The following FOXN3 variants were observed in gnomAD, a reference collection of about 807,000 sequenced individuals.
FOXN3 encodes forkhead box N3.
In FOXN3, 7 loss-of-function variants were observed where a neutral mutation model predicts 38.4. That is an observed-to-expected ratio of 0.18 (90% CI 0.10 to 0.34). The LOEUF (loss-of-function observed/expected upper bound fraction) is 0.34, where lower values mean the gene tolerates loss of function less well. Ranked by LOEUF, FOXN3 falls within the 10% of genes least tolerant of loss-of-function variation. FOXN3 has a pLI of 1.00. For synonymous variants in FOXN3, 230 were observed against 242.2 expected, an observed-to-expected ratio of 0.95 and a Z score of 0.47; for missense variants, 456 against 613.4, an observed-to-expected ratio of 0.74 and a Z score of 2.71.
intron 1 of FOXN3, among the ~76,000 whole-genome samples, chr14:89,468,383 G>A (rs1484784204): frequency 6.6e-6 from 1 of 152,100 alleles, no homozygotes; most frequent in East Asian, 1.9e-4. Context: ...GAACCAGGGA[G>A]GTGGAGGCTG....
At chr14:89,254,188 GA>G (rs1173866396) in intron 4 of FOXN3, among the ~76,000 whole-genome samples, 1 of 152,194 alleles carries the variant, frequency 6.6e-6, no homozygotes, top group Admixed American at 6.5e-5. Context: ...TCTGTAGGAT[GA>G]ATGAGTTAAA....
Position 89,160,224 on chromosome 14 carries a change from G to A in FOXN3, c.*2190C>T, listed in dbSNP as rs978669275. The A allele has an allele frequency of 8.9e-5, 9 of 101,412 alleles. No individual in the cohort carries two copies. Among genetic ancestry groups the A allele is most frequent in the Non-Finnish European group, 1.5e-4 (8 of 53,374 alleles). 6.3% of individuals were successfully genotyped at this position (101,412 alleles called of 1,614,324 possible). ...ATTTCTCTTTGTACCCCCGCCCCCC[G>A]CCCCCGCCATTAAAGAAAATTTCTT... On this transcript the variant is annotated 3_prime_UTR_variant, in exon 6 of 6. Transcript: ENST00000557258.
intron 3 of FOXN3, among the ~76,000 whole-genome samples, chr14:89,302,761 C>T (rs1403112084): frequency 3.3e-5 from 5 of 152,182 alleles, no homozygotes; most frequent in Admixed American, 6.5e-5. Context: ...AGAAGGTATG[C>T]TACTTCTCTC....
chr14:89,254,472 G>T (rs981101976), intron 4 of FOXN3, among the ~76,000 whole-genome samples: 1 of 152,152 alleles, frequency 6.6e-6, no homozygotes, highest in African/African-American at 2.4e-5. Context: ...CAGACAGCTC[G>T]GAGTGTGGCT....
At chr14:89,214,720 T>C (rs1261293469) in intron 4 of FOXN3, among the ~76,000 whole-genome samples, 1 of 152,258 alleles carries the variant, frequency 6.6e-6, no homozygotes, top group East Asian at 1.9e-4. Flanking sequence ...GAGCTAACCA[T>C]ATTTTCTGCA....
intron 1 of FOXN3, among the ~76,000 whole-genome samples, chr14:89,570,295 A>G (rs28556570): frequency 0.066 from 9,999 of 151,992 alleles, 776 homozygotes; most frequent in African/African-American, 0.17. Flanking sequence ...CACCGCATCC[A>G]GCCGGTACAC....
chr14:89,454,499 A>G (rs983136014), intron 1 of FOXN3, among the ~76,000 whole-genome samples: 1 of 152,266 alleles, frequency 6.6e-6, no homozygotes, highest in African/African-American at 2.4e-5. Context: ...GACATATGCA[A>G]TTGTGTAAAA....
At chr14:89,335,077 T>TCACACACACACACACA (rs72014136) in intron 3 of FOXN3, among the ~76,000 whole-genome samples, 2 of 139,344 alleles carry the variant, frequency 1.4e-5, no homozygotes, top group African/African-American at 2.6e-5. Flanking sequence ...TATTTTCATA[T>TCACACACACACACACA]CACACACACA....
rs1886980852 is a variant in FOXN3 at position 89,156,409 on chromosome 14, T to C, written c.*6005A>G. On this transcript the variant is annotated 3_prime_UTR_variant, in exon 6 of 6. Coordinates refer to ENST00000557258, the MANE Select transcript of FOXN3 (RefSeq NM_005197.4). ...CGCGCCTGCCTCCACACTGTTTCTT[T>C]AGGTTTACATGAACATAACAGAACA... 1 of 152,664 alleles carries C rather than the reference T, an allele frequency of 6.6e-6. No homozygotes were observed. The highest frequency in any genetic ancestry group is 1.5e-5 in the Non-Finnish European group (1 of 68,042). 9.5% of individuals were successfully genotyped at this position (152,664 alleles called of 1,614,324 possible).
intron 4 of FOXN3, among the ~76,000 whole-genome samples, chr14:89,269,570 A>T (rs952820347): frequency 2.0e-5 from 3 of 151,372 alleles, no homozygotes; most frequent in Non-Finnish European, 2.9e-5. Flanking sequence ...TACAGATAAC[A>T]TTCATAGGTC....
chr14:89,311,471 CAAAAA>C (rs34367113), intron 3 of FOXN3, among the ~76,000 whole-genome samples: 3 of 66,042 alleles, frequency 4.5e-5, no homozygotes, highest in South Asian at 6.7e-4. Context: ...GACTCGGCCT[CAAAAA>C]AAAAAAAAAA....
intron 1 of FOXN3, among the ~76,000 whole-genome samples, chr14:89,617,326 A>G (rs1896512762): frequency 6.6e-6 from 1 of 152,188 alleles, no homozygotes; most frequent in African/African-American, 2.4e-5. Context: ...TCATATTCTT[A>G]TATGGTGCAG....
chr14:89,492,961 G>C (rs565832268), intron 1 of FOXN3, among the ~76,000 whole-genome samples: 3 of 152,172 alleles, frequency 2.0e-5, no homozygotes, highest in Non-Finnish European at 4.4e-5. Flanking sequence ...GAAACTCCGA[G>C]CGCCTCAGAG....
At chr14:89,528,467 GCTCACCGCAAC>G (rs1174996417) in intron 1 of FOXN3, among the ~76,000 whole-genome samples, 2 of 134,120 alleles carry the variant, frequency 1.5e-5, no homozygotes, top group East Asian at 4.6e-4. Context: ...CACGATCTTG[GCTCACCGCAAC>G]CTCCGCCTCC....
chr14:89,386,906 C>T (rs1451273650), intron 2 of FOXN3, among the ~76,000 whole-genome samples: 1 of 152,174 alleles, frequency 6.6e-6, no homozygotes, highest in African/African-American at 2.4e-5. Context: ...ATTAGGACCC[C>T]ATCCGTATGG....
chr14:89,472,187 G>A (rs1037112135), intron 1 of FOXN3, among the ~76,000 whole-genome samples: 3 of 151,842 alleles, frequency 2.0e-5, no homozygotes, highest in Non-Finnish European at 4.4e-5. Flanking sequence ...CCCAGCAGGC[G>A]GAGGTTGCGG....
chr14:89,484,807 G>A lies in FOXN3; in HGVS notation c.-14-72317C>T, dbSNP rs1170769170. 6.6e-6 allele frequency among the ~76,000 whole-genome samples: 1 copy of A among 152,198 alleles called. No homozygotes were observed. Among genetic ancestry groups the A allele is most frequent in the Non-Finnish European group, 1.5e-5 (1 of 68,038 alleles). On this transcript the variant is annotated intron_variant, in intron 1 of 6. Coordinates refer to the FOXN3 transcript ENST00000345097. The surrounding 1 kb of genome is among the most constrained non-coding windows in gnomAD (Gnocchi z 4.0). ...CCAGGGAGGACCCAACAGGCAGTGA[G>A]CGGGGTCTCCACTGACAACTCTCAG...
intron 2 of FOXN3, among the ~76,000 whole-genome samples, chr14:89,380,044 G>A (rs942142456): frequency 1.3e-5 from 2 of 152,154 alleles, no homozygotes; most frequent in African/African-American, 2.4e-5. Flanking sequence ...TCTGTTCCTT[G>A]TTAAAGTCTG....
chr14:89,502,324 G>A (rs1938818990), intron 1 of FOXN3, among the ~76,000 whole-genome samples: 1 of 152,180 alleles, frequency 6.6e-6, no homozygotes, highest in Non-Finnish European at 1.5e-5. Flanking sequence ...ATTAGGGAAG[G>A]ACCGGGGTCT....
Sources: allele counts gnomAD v4.1 joint callset (sites outside exome capture counted in the v4.1 genomes callset), GRCh38; gene constraint gnomAD v4.1.1; non-coding constraint Gnocchi (gnomAD v3.1); transcripts MANE v1.5; gene names NCBI Gene and HGNC (gene_info 2026-07-23, HGNC 2026-07-21).